BLVRA: variants seen among roughly 807,000 people sequenced by gnomAD.
BLVRA encodes biliverdin reductase A.
BLVRA carries 22 observed loss-of-function variants against 32.8 expected under a neutral mutation model. The observed-to-expected ratio is 0.67, with a 90% confidence interval of 0.48 to 0.96. BLVRA has a LOEUF of 0.96. Ranked by LOEUF, BLVRA falls within the 40% of genes least tolerant of loss-of-function variation. The probability of loss-of-function intolerance (pLI) is 0.00; values close to 1 mark genes in which losing one functional copy is unlikely to be tolerated. For synonymous variants in BLVRA, 119 were observed against 141.3 expected (o/e 0.84, Z 1.12); for missense variants, 323 against 358.1 (o/e 0.90, Z 0.79).
intron 3 of BLVRA, among the ~76,000 whole-genome samples, chr7:43,789,036 T>TACAC (rs142859818): frequency 2.0e-5 from 3 of 149,838 alleles, no homozygotes; most frequent in Admixed American, 6.6e-5. Context: ...CTCACCCCTG[T>TACAC]ACACACACAC....
chr7:43,783,242 C>T (rs1328959493), intron 2 of BLVRA, among the ~76,000 whole-genome samples: 2 of 152,140 alleles, frequency 1.3e-5, no homozygotes, highest in East Asian at 3.8e-4. Context: ...TCCCTGTTTC[C>T]CAGCCACTCT....
At chr7:43,766,912 A>C (rs777452075) in intron 1 of BLVRA, among the ~76,000 whole-genome samples, 1 of 152,154 alleles carries the variant, frequency 6.6e-6, no homozygotes, top group African/African-American at 2.4e-5. Context: ...CAGGAGGATC[A>C]CTTGAACCCA....
At chr7:43,762,814 G>A (rs2095743875) in intron 1 of BLVRA, among the ~76,000 whole-genome samples, 2 of 152,046 alleles carry the variant, frequency 1.3e-5, no homozygotes, top group South Asian at 4.2e-4. Context: ...GTTTCACCAT[G>A]TTGGCCAGGA....
chr7:43,778,813 C>T (rs6953918), intron 2 of BLVRA, among the ~76,000 whole-genome samples: 6,085 of 152,290 alleles, frequency 0.04, 407 homozygotes, highest in African/African-American at 0.14. Flanking sequence ...CCACCCAGTT[C>T]GAGCTTCCCG....
chr7:43,774,236 T>A (rs566767852), intron 2 of BLVRA, among the ~76,000 whole-genome samples: 1 of 152,326 alleles, frequency 6.6e-6, no homozygotes, highest in Non-Finnish European at 1.5e-5. Flanking sequence ...CTGAATGGTA[T>A]TGCCTAGGTT....
Position 43,794,667 on chromosome 7 carries a change from G to A in BLVRA, c.352+1855G>A, listed in dbSNP as rs927511433. 1.1e-4 allele frequency among the ~76,000 whole-genome samples: 16 copies of A among 151,928 alleles called. 1 individual carries two copies. The highest frequency in any genetic ancestry group is 9.8e-4 in the Admixed American group (15 of 15,264). ...GCAGAATTGCTTGAACCTGGGAGGC[G>A]GAGGTTGCAGTGAGCTGAGATGGTG... is the stretch of plus-strand genomic sequence containing the variant. On this transcript the variant is annotated intron_variant, in intron 5 of 7. Transcript: ENST00000265523.
chr7:43,803,989 G>T, intron 7 of BLVRA, 142 bp downstream of exon 7: 2 of 940,802 alleles, frequency 2.1e-6, no homozygotes, highest in Admixed American at 4.1e-5. Context: ...ATGGAGTGCT[G>T]AGATTGCACT....
intron 2 of BLVRA, among the ~76,000 whole-genome samples, chr7:43,784,523 G>A (rs1042952285): frequency 6.6e-6 from 1 of 150,398 alleles, no homozygotes; most frequent in African/African-American, 2.4e-5. Context: ...GGCCTAACAA[G>A]TAATTTTTCT....
At position 43,787,237 on chromosome 7, in the gene BLVRA, T is replaced by G. The variant is rs2095778896; in HGVS notation, c.13-667T>G. Among the ~76,000 whole-genome samples, 1 of 152,228 alleles carries G rather than the reference T, an allele frequency of 6.6e-6. No individual in the cohort carries two copies. Among genetic ancestry groups the G allele is most frequent in the African/African-American group, 2.4e-5 (1 of 41,448 alleles). Reference sequence around the variant, plus strand: ...CGTGCCCAGTGCATGGAGATAAATTTTATCAGTTTTTATTATACTGAGTTG... The same window carrying G: ...CGTGCCCAGTGCATGGAGATAAATTGTATCAGTTTTTATTATACTGAGTTG... On this transcript the variant is annotated intron_variant, in intron 2 of 7. Coordinates refer to ENST00000265523, the MANE Select transcript of BLVRA (RefSeq NM_000712.4). This position sits in a 1 kb window ranked among gnomAD's most constrained non-coding sequence, Gnocchi z 4.5.
At position 43,803,824 on chromosome 7, in the gene BLVRA, G is replaced by A. The variant is rs1131372; in HGVS notation, c.609G>A (p.Val203=). The change falls in exon 7 of 8, where the codon GTG becomes GTA. Residue 203 remains valine (V), a synonymous_variant. Transcript: ENST00000265523. ...AAGATCAGTATATGAAAATGACAGT[G>A]TGTCTGGAGACAGAGAAGAAAAGGT... ...RKEDQYMKMT[V]CLETEKKSPL... 185,863 of 1,613,822 alleles carry A rather than the reference G, an allele frequency of 0.12. 11,804 individuals carry two copies. The highest frequency in any genetic ancestry group is 0.23 in the Admixed American group (13,716 of 60,010).
chr7:43,780,950 C>T (rs1057034722), intron 2 of BLVRA, among the ~76,000 whole-genome samples: 3 of 152,192 alleles, frequency 2.0e-5, no homozygotes, highest in African/African-American at 7.2e-5. Flanking sequence ...AGTTTGATAC[C>T]AGCCTGGCCA....
intron 3 of BLVRA, among the ~76,000 whole-genome samples, chr7:43,789,792 G>A (rs1218516849): frequency 2.0e-5 from 3 of 151,910 alleles, no homozygotes; most frequent in Non-Finnish European, 4.4e-5. Flanking sequence ...AGCTTTTCTG[G>A]TGTATTCCTT....
At chr7:43,803,990 A>G in intron 7 of BLVRA, 143 bp downstream of exon 7, 2 of 936,050 alleles carry the variant, frequency 2.1e-6, no homozygotes, top group Non-Finnish European at 3.3e-6. Flanking sequence ...TGGAGTGCTG[A>G]GATTGCACTT....
Position 43,803,700 on chromosome 7 carries a change from T to C in BLVRA, c.485T>C (p.Phe162Ser). The C allele has an allele frequency of 6.2e-7, 1 of 1,613,802 alleles. No homozygotes were observed. The highest frequency in any genetic ancestry group is 1.1e-5 in the South Asian group (1 of 91,060). ...FTAGPLEEER[F>S]GFPAFSGISR... ...GCTGGCCCGTTGGAAGAAGAGCGGT[T>C]TGGCTTCCCTGCATTCAGCGGCATC... Residue 162 changes from phenylalanine to serine, a missense_variant, in exon 7 of 8, where the codon TTT becomes TCT. By Grantham distance (155) the Phe-to-Ser change is radical (BLOSUM62 -2). Coordinates refer to ENST00000265523, the MANE Select transcript of BLVRA (RefSeq NM_000712.4).
chr7:43,805,444 G>A (rs1005041925), intron 7 of BLVRA, among the ~76,000 whole-genome samples: 22 of 151,910 alleles, frequency 1.4e-4, no homozygotes, highest in Non-Finnish European at 2.5e-4. Flanking sequence ...CACCACGCCC[G>A]GCTCATTTTT....
At chr7:43,775,517 T>C (rs909693136) in intron 2 of BLVRA, among the ~76,000 whole-genome samples, 3 of 152,118 alleles carry the variant, frequency 2.0e-5, no homozygotes, top group African/African-American at 7.2e-5. Flanking sequence ...ATAAGCTTTT[T>C]GATGTGCTGC....
chr7:43,785,431 C>T (rs2095776207), intron 2 of BLVRA, among the ~76,000 whole-genome samples: 3 of 152,082 alleles, frequency 2.0e-5, no homozygotes, highest in African/African-American at 7.2e-5. Flanking sequence ...GCCACTCCTT[C>T]CTATACTCTT....
intron 1 of BLVRA, among the ~76,000 whole-genome samples, chr7:43,767,012 C>T (rs1377844357): frequency 6.6e-6 from 1 of 152,066 alleles, no homozygotes; most frequent in African/African-American, 2.4e-5. Flanking sequence ...GAAAAATAAA[C>T]AAATAAACAG....
chr7:43,792,955 A>G (rs2095787874), intron 5 of BLVRA, 143 bp downstream of exon 5: 10 of 797,346 alleles, frequency 1.3e-5, no homozygotes, highest in Non-Finnish European at 1.9e-5. Flanking sequence ...TCACCCCCAC[A>G]CTGTAAACAC....
Sources: allele counts gnomAD v4.1 joint callset (sites outside exome capture counted in the v4.1 genomes callset), GRCh38; gene constraint gnomAD v4.1.1; non-coding constraint Gnocchi (gnomAD v3.1); transcripts MANE v1.5; gene names NCBI Gene and HGNC (gene_info 2026-07-23, HGNC 2026-07-21).